The following NRXN1 variants were observed in gnomAD, a reference collection of about 807,000 sequenced individuals.
NRXN1 encodes neurexin 1.
A neutral mutation model predicts 150.9 loss-of-function variants in NRXN1; 39 were observed. The observed-to-expected ratio is 0.26, with a 90% confidence interval of 0.20 to 0.34. The LOEUF is 0.34. NRXN1 is among the 10% of genes least tolerant of loss of function. The probability of loss-of-function intolerance (pLI) is 1.00; values close to 1 mark genes in which losing one functional copy is unlikely to be tolerated. For synonymous variants in NRXN1, 924 were observed against 757.0 expected (o/e 1.22, Z -3.62); for missense variants, 1,815 against 1,949.9 (o/e 0.93, Z 1.30).
At chr2:50,610,754 T>TTA (rs5831144) in intron 8 of NRXN1, among the ~76,000 whole-genome samples, 4,773 of 127,858 alleles carry the variant, frequency 0.037, 214 homozygotes, top group East Asian at 0.15. Context: ...GTAATTATAT[T>TTA]TATATATATA....
intron 17 of NRXN1, among the ~76,000 whole-genome samples, chr2:50,356,026 A>G (rs1458138583): frequency 6.6e-6 from 1 of 152,038 alleles, no homozygotes; most frequent in Non-Finnish European, 1.5e-5. Context: ...ATATTTTCCT[A>G]CTCATGTTAT....
At chr2:50,855,904 T>G (rs1344899043) in intron 5 of NRXN1, among the ~76,000 whole-genome samples, 1 of 152,068 alleles carries the variant, frequency 6.6e-6, no homozygotes. Context: ...CAAATTAATT[T>G]GTCAACAATT....
chr2:51,027,049 G>C (rs1670605707), intron 2 of NRXN1, among the ~76,000 whole-genome samples: 1 of 152,136 alleles, frequency 6.6e-6, no homozygotes, highest in East Asian at 1.9e-4. Context: ...TACCTCTCCT[G>C]TGCTTCATTT....
intron 21 of NRXN1, chr2:49,970,489 T>A (rs1398496866): frequency 6.6e-6 from 1 of 152,088 alleles, no homozygotes. Context: ...GAATGTATAA[T>A]TGTCTGTGAC....
chr2:50,561,521 T>G (rs536534886), intron 8 of NRXN1, among the ~76,000 whole-genome samples: 1 of 152,148 alleles, frequency 6.6e-6, no homozygotes, highest in Non-Finnish European at 1.5e-5. Context: ...AAATAATGTA[T>G]TGGGGACTTC....
At chr2:50,108,043 A>G (rs1363486991) in intron 18 of NRXN1, among the ~76,000 whole-genome samples, 2 of 151,752 alleles carry the variant, frequency 1.3e-5, no homozygotes, top group African/African-American at 4.8e-5. Flanking sequence ...TCTATCTCCA[A>G]AGTAGGTGTT....
chr2:50,222,743 A>T (rs11887362), intron 18 of NRXN1, among the ~76,000 whole-genome samples: 20,647 of 151,760 alleles, frequency 0.14, 1,573 homozygotes, highest in African/African-American at 0.2. Context: ...AAATAAAAAT[A>T]CTCAAGTTGC....
chr2:49,946,143 G>A (rs1007464905), intron 21 of NRXN1, among the ~76,000 whole-genome samples: 7 of 152,148 alleles, frequency 4.6e-5, no homozygotes, highest in Non-Finnish European at 1.0e-4. Context: ...CAGTGATGAT[G>A]AGCTTTTTTT....
At chr2:50,531,524 G>A in intron 10 of NRXN1, 94 bp from the exon 11 acceptor site, 3 of 911,980 alleles carry the variant, frequency 3.3e-6, no homozygotes. Context: ...ATTTATTTAA[G>A]ACTTCCAGAA....
intron 17 of NRXN1, among the ~76,000 whole-genome samples, chr2:50,394,756 G>C (rs76265789): frequency 2.0e-5 from 3 of 151,972 alleles, no homozygotes; most frequent in African/African-American, 7.2e-5. Flanking sequence ...AACACACTTA[G>C]GGTAAAATTC....
At chr2:50,286,697 T>C (rs1201552188) in intron 17 of NRXN1, among the ~76,000 whole-genome samples, 1 of 152,060 alleles carries the variant, frequency 6.6e-6, no homozygotes, top group African/African-American at 2.4e-5. Context: ...ATCCTATTAT[T>C]GATGTGAGTA....
intron 5 of NRXN1, among the ~76,000 whole-genome samples, chr2:50,743,792 A>G (rs1314058690): frequency 3.3e-5 from 5 of 152,168 alleles, no homozygotes; most frequent in Non-Finnish European, 7.4e-5. Flanking sequence ...AAAAGAAGTA[A>G]GACATGACTA....
intron 19 of NRXN1, among the ~76,000 whole-genome samples, chr2:50,056,506 G>C (rs1405339171): frequency 6.6e-6 from 1 of 152,032 alleles, no homozygotes. Context: ...TCTGTATTCT[G>C]TGATCACTAA....
intron 14 of NRXN1, 32 bp from the exon 15 acceptor site, chr2:50,496,127 A>G (rs199575628): frequency 2.6e-6 from 4 of 1,529,620 alleles, no homozygotes; most frequent in Non-Finnish European, 3.6e-6. Flanking sequence ...GGAAAGTGCC[A>G]TCACTTTTTA....
In NRXN1 at chr2:50,532,763, TA is replaced by T. The variant is rs990646644; in HGVS notation, c.2144-1334del. Among the ~76,000 whole-genome samples, 780 of 147,192 alleles carry T rather than the reference TA, an allele frequency of 5.3e-3. 1 individual carries two copies. The highest frequency in any genetic ancestry group is 7.8e-3 in the Non-Finnish European group (515 of 66,442). Reference sequence around the variant, plus strand: ...TGTCTTAAACACACAAAGAAATGAATAAAAAAAAAACTGTTGATGACAACCT... The same window carrying T: ...TGTCTTAAACACACAAAGAAATGAATAAAAAAAAACTGTTGATGACAACCT... On this transcript the variant is annotated intron_variant, in intron 10 of 22. Transcript: ENST00000401669.
At chr2:50,571,460 C>T (rs545718665) in intron 8 of NRXN1, among the ~76,000 whole-genome samples, 9 of 152,110 alleles carry the variant, frequency 5.9e-5, no homozygotes, top group Non-Finnish European at 1.3e-4. Flanking sequence ...CTCAAGGTCT[C>T]AGTGTATTTT....
At chr2:50,550,302 C>G (rs1667251947) in intron 9 of NRXN1, among the ~76,000 whole-genome samples, 1 of 152,116 alleles carries the variant, frequency 6.6e-6, no homozygotes, top group African/African-American at 2.4e-5. Flanking sequence ...TCACGGCTCA[C>G]TGCAGCCTGG....
At chr2:50,497,798 A>C in intron 13 of NRXN1, 84 bp from the exon 14 acceptor site, 1 of 1,333,454 alleles carries the variant, frequency 7.5e-7, no homozygotes, top group Non-Finnish European at 1.0e-6. Context: ...ATCACATTCT[A>C]AAATACAAGG....
intron 21 of NRXN1, among the ~76,000 whole-genome samples, chr2:50,016,898 T>A (rs1051523927): frequency 6.6e-6 from 1 of 152,144 alleles, no homozygotes; most frequent in African/African-American, 2.4e-5. Context: ...ACTTCCTTCC[T>A]CCACTTCCAG....
Sources: allele counts gnomAD v4.1 joint callset (sites outside exome capture counted in the v4.1 genomes callset), GRCh38; gene constraint gnomAD v4.1.1; transcripts MANE v1.5; gene names NCBI Gene and HGNC (gene_info 2026-07-23, HGNC 2026-07-21).